MYH11: variants seen among roughly 807,000 people sequenced by gnomAD.
MYH11 encodes myosin-11.
Under a neutral mutation model 246.6 loss-of-function variants are expected in MYH11, and 80 were observed. That is an observed-to-expected ratio of 0.32 (90% confidence interval 0.27 to 0.39). The LOEUF is 0.39. Ranked by LOEUF, MYH11 falls within the 10% of genes least tolerant of loss-of-function variation. The pLI is 1.00. For synonymous variants in MYH11, 1,071 were observed against 1,015.5 expected (o/e 1.05, Z -1.04); for missense variants, 2,158 against 2,546.8 (o/e 0.85, Z 3.29).
At chr16:15,844,307 C>G (rs1028042249) in intron 1 of MYH11, among the ~76,000 whole-genome samples, 1 of 152,160 alleles carries the variant, frequency 6.6e-6, no homozygotes, top group Admixed American at 6.5e-5. Flanking sequence ...AAGTGATTCT[C>G]CTGCCTCAGC....
intron 40 of MYH11, among the ~76,000 whole-genome samples, chr16:15,706,437 G>A (rs963595291): frequency 6.6e-6 from 1 of 152,148 alleles, no homozygotes; most frequent in Non-Finnish European, 1.5e-5. Context: ...CAGTTGCTGC[G>A]ACTCATGCCT....
rs188211821 is a variant in MYH11, at chr16:15,737,272, G to A, written c.3293+177C>T. On this transcript the variant is annotated intron_variant, in intron 25 of 40. Coordinates refer to ENST00000300036, the MANE Select transcript of MYH11 (RefSeq NM_002474.3). ...GGGAAGAGAAGAAAGTCGAAGGTGAGGATCTGGGGGAGTGAACAGGGTCGA... is the reference window on the plus strand; with the variant it reads ...GGGAAGAGAAGAAAGTCGAAGGTGAAGATCTGGGGGAGTGAACAGGGTCGA... Among the ~76,000 whole-genome samples the A allele has an allele frequency of 2.0e-5, 3 of 152,318 alleles. No homozygotes were observed. The East Asian group carries it at 5.8e-4, about 29-fold the overall frequency.
rs1439635161 is a variant in MYH11 at position 15,741,451 on chromosome 16, G to T, written c.2859+12C>A. The T allele has an allele frequency of 1.9e-6, 3 of 1,606,254 alleles. No homozygotes were observed. The highest frequency in any genetic ancestry group is 3.3e-5 in the Admixed American group (2 of 60,000). ...TTGCTACCCACCACGGGCTGCCCCTGTGACACCTTACCAGCATCTGCTGGG... is the reference window on the plus strand; with the variant it reads ...TTGCTACCCACCACGGGCTGCCCCTTTGACACCTTACCAGCATCTGCTGGG... On this transcript the variant is annotated intron_variant, in intron 22 of 40. Transcript: ENST00000300036.
intron 4 of MYH11, among the ~76,000 whole-genome samples, chr16:15,787,283 C>T (rs1328055299): frequency 6.6e-6 from 1 of 151,822 alleles, no homozygotes; most frequent in Non-Finnish European, 1.5e-5. Flanking sequence ...TGGTGCATGC[C>T]TGTAGTCCCA....
intron 3 of MYH11, among the ~76,000 whole-genome samples, chr16:15,811,228 C>A (rs1010307074): frequency 1.3e-5 from 2 of 152,188 alleles, no homozygotes; most frequent in Admixed American, 6.5e-5. Flanking sequence ...AAACAAATAT[C>A]TGTTTAAAAG....
rs1156745338 is a variant in MYH11 at position 15,855,641 on chromosome 16, T to A, written c.-18+1300A>T. On this transcript the variant is annotated intron_variant, in intron 1 of 40. Coordinates refer to ENST00000300036, the MANE Select transcript of MYH11 (RefSeq NM_002474.3). ...TAAATGTTGCAACAGCATGTGGCACTGAAGTGTTCCATCAACGGTAGCTAT... is the reference window on the plus strand; with the variant it reads ...TAAATGTTGCAACAGCATGTGGCACAGAAGTGTTCCATCAACGGTAGCTAT... 2.6e-5 allele frequency among the ~76,000 whole-genome samples: 4 copies of A among 152,224 alleles called. No homozygotes were observed. In the East Asian group the frequency reaches 7.7e-4, roughly 29 times the overall value.
chr16:15,797,186 C>CT (rs2042761005), intron 4 of MYH11, among the ~76,000 whole-genome samples: 1 of 152,076 alleles, frequency 6.6e-6, no homozygotes, highest in African/African-American at 2.4e-5. Flanking sequence ...TATATCAACC[C>CT]CAAACTTATT....
intron 4 of MYH11, among the ~76,000 whole-genome samples, chr16:15,797,187 C>A (rs2042761069): frequency 6.6e-6 from 1 of 152,136 alleles, no homozygotes; most frequent in African/African-American, 2.4e-5. Flanking sequence ...ATATCAACCC[C>A]AAACTTATTA....
At chr16:15,824,524 G>A (rs934598924) in intron 2 of MYH11, among the ~76,000 whole-genome samples, 3 of 152,072 alleles carry the variant, frequency 2.0e-5, no homozygotes, top group Non-Finnish European at 2.9e-5. Context: ...GAGGTGATGC[G>A]CCAGTCTCAG....
At chr16:15,759,196 C>CT (rs10593456) in intron 12 of MYH11, among the ~76,000 whole-genome samples, 28,691 of 119,334 alleles carry the variant, frequency 0.24, 3,965 homozygotes, top group East Asian at 0.38. Context: ...GAGATATGTG[C>CT]TTTTTTTTTT....
chr16:15,785,008 A>ATTTTTTTT (rs398028825), intron 5 of MYH11: 14,174 of 97,148 alleles, frequency 0.15, 2,444 homozygotes, highest in African/African-American at 0.17. Context: ...AATTCTCTTG[A>ATTTTTTTT]TTTTTTTTTT....
chr16:15,832,226 T>C (rs969738512), intron 2 of MYH11, among the ~76,000 whole-genome samples: 10 of 152,080 alleles, frequency 6.6e-5, no homozygotes, highest in African/African-American at 2.4e-4. Flanking sequence ...ACTGGAAAAA[T>C]GTCCTTTGGG....
At chr16:15,735,936 T>G (rs939368156) in intron 25 of MYH11, among the ~76,000 whole-genome samples, 3 of 152,256 alleles carry the variant, frequency 2.0e-5, no homozygotes, top group African/African-American at 7.2e-5. Flanking sequence ...TCTTCTTCCC[T>G]GGCAACTGTC....
At chr16:15,824,233 C>T (rs564748720) in intron 2 of MYH11, among the ~76,000 whole-genome samples, 7 of 151,342 alleles carry the variant, frequency 4.6e-5, no homozygotes, top group South Asian at 2.1e-4. Flanking sequence ...CAACCAGTGA[C>T]GGGAGCAGTT....
At chr16:15,710,358 T>TA (rs2039710662) in intron 40 of MYH11, among the ~76,000 whole-genome samples, 1 of 151,980 alleles carries the variant, frequency 6.6e-6, no homozygotes. Context: ...TTGCCACTAC[T>TA]AAAAATACAA....
chr16:15,790,899 T>G (rs1277460784), intron 4 of MYH11: 1 of 152,154 alleles, frequency 6.6e-6, no homozygotes, highest in Non-Finnish European at 1.5e-5. Context: ...ACTCTAATGT[T>G]GCCATCTGGA....
intron 1 of MYH11, among the ~76,000 whole-genome samples, chr16:15,843,076 T>C (rs2044096767): frequency 6.6e-6 from 1 of 152,004 alleles, no homozygotes; most frequent in Admixed American, 6.6e-5. Flanking sequence ...ATAAAGCTAA[T>C]AGTGGGTCTC....
At chr16:15,711,524 T>A (rs1394986596) in intron 40 of MYH11, among the ~76,000 whole-genome samples, 1 of 152,180 alleles carries the variant, frequency 6.6e-6, no homozygotes, top group Non-Finnish European at 1.5e-5. Flanking sequence ...AGGAGGTATG[T>A]TTATTTGCCG....
Position 15,717,571 on chromosome 16 carries a change from A to G in MYH11, c.5296-223T>C, listed in dbSNP as rs13338902. Reference sequence around the variant, plus strand: ...GCACTTTTGGAAGCAGAGGCAGGTAAATCACTTGAGCTCAGGAGTTCGAGA... The same window carrying G: ...GCACTTTTGGAAGCAGAGGCAGGTAGATCACTTGAGCTCAGGAGTTCGAGA... On this transcript the variant is annotated intron_variant, in intron 37 of 40. Transcript: ENST00000300036. 46,888 of 597,614 alleles carry G rather than the reference A, an allele frequency of 0.078. 3,941 individuals are homozygous for G. Among genetic ancestry groups the G allele is most frequent in the African/African-American group, 0.33 (17,656 of 53,870 alleles). The allele number at this position is 597,614 out of a possible 1,614,324, so 37.0% of individuals were successfully genotyped here. A position where few individuals can be genotyped will look rare whatever the true frequency, so the allele number is the denominator to read the frequency against.
Sources: allele counts gnomAD v4.1 joint callset (sites outside exome capture counted in the v4.1 genomes callset), GRCh38; gene constraint gnomAD v4.1.1; transcripts MANE v1.5; gene names NCBI Gene and HGNC (gene_info 2026-07-23, HGNC 2026-07-21).